The following HIVEP3 variants were observed in gnomAD, a reference collection of about 807,000 sequenced individuals.
HIVEP3 encodes the protein HIVEP zinc finger 3.
A neutral mutation model predicts 152.8 loss-of-function variants in HIVEP3; 49 were observed. The observed-to-expected ratio is 0.32, with a 90% CI of 0.26 to 0.41. HIVEP3 has a LOEUF of 0.41. Among genes scored for constraint, HIVEP3 ranks in the 10% least tolerant of loss-of-function variants. The pLI is 1.00. For missense variants in HIVEP3, 2,790 were observed against 3,103.3 expected, an observed-to-expected ratio of 0.90 and a Z score of 2.40; for synonymous variants, 1,269 against 1,289.0, an observed-to-expected ratio of 0.98 and a Z score of 0.33.
intron 1 of HIVEP3, among the ~76,000 whole-genome samples, chr1:41,849,487 G>C (rs1643535092): frequency 6.6e-6 from 1 of 152,182 alleles, no homozygotes; most frequent in Non-Finnish European, 1.5e-5. Context: ...TGCTCACCTA[G>C]AGGAGTGGAT....
intron 3 of HIVEP3, among the ~76,000 whole-genome samples, chr1:41,607,461 C>T (rs1644837593): frequency 6.6e-6 from 1 of 152,178 alleles, no homozygotes; most frequent in South Asian, 2.1e-4. Context: ...GCAACCTGCT[C>T]CTCTGATATT....
chr1:41,580,712 T>TG lies in HIVEP3; in HGVS notation c.4085dup (p.Ser1363IlefsTer13). The TG allele has an allele frequency of 6.3e-7, 1 of 1,596,484 alleles. No individual in the cohort carries two copies. The highest frequency in any genetic ancestry group is 8.5e-7 in the Non-Finnish European group (1 of 1,171,272). ...CACCACATACAGTCGTCCCCTTTGA[T>TG]GGGGGTTCCTCAAACTTGGGAAGTG... On this transcript the variant is annotated frameshift_variant, in exon 4 of 9. Coordinates refer to ENST00000372583, the MANE Select transcript of HIVEP3 (RefSeq NM_024503.5). LOFTEE classifies it high-confidence loss of function.
At chr1:41,658,651 G>A (rs957268981) in intron 2 of HIVEP3, among the ~76,000 whole-genome samples, 1 of 152,212 alleles carries the variant, frequency 6.6e-6, no homozygotes, top group African/African-American at 2.4e-5. Flanking sequence ...GCTCAAGGGG[G>A]TGAAGTGGCC....
chr1:41,889,263 C>A (rs1644409176), intron 1 of HIVEP3, among the ~76,000 whole-genome samples: 1 of 152,140 alleles, frequency 6.6e-6, no homozygotes. Context: ...CTGCTACACA[C>A]AAACTCACAC....
chr1:41,845,039 C>T (rs1453313750), intron 1 of HIVEP3, among the ~76,000 whole-genome samples: 1 of 152,156 alleles, frequency 6.6e-6, no homozygotes, highest in Non-Finnish European at 1.5e-5. Flanking sequence ...CATCCCTGGG[C>T]ATCCACAGGG....
chr1:41,947,241 T>C (rs533934053), intron 1 of HIVEP3, among the ~76,000 whole-genome samples: 1 of 152,306 alleles, frequency 6.6e-6, no homozygotes, highest in East Asian at 1.9e-4. Flanking sequence ...TGATTTACTT[T>C]TAGCCACCCG....
intron 1 of HIVEP3, among the ~76,000 whole-genome samples, chr1:41,955,395 G>C (rs1405193143): frequency 6.6e-6 from 1 of 152,104 alleles, no homozygotes; most frequent in Non-Finnish European, 1.5e-5. Context: ...TTAATTAGTA[G>C]CTCCATCATT....
chr1:41,923,877 C>T (rs1644953609), upstream of HIVEP3, among the ~76,000 whole-genome samples: 1 of 152,062 alleles, frequency 6.6e-6, no homozygotes, highest in African/African-American at 2.4e-5. Flanking sequence ...TTGACCAATA[C>T]TGTAAATCAT....
intron 2 of HIVEP3, among the ~76,000 whole-genome samples, chr1:41,673,608 A>G (rs1397194434): frequency 6.6e-6 from 1 of 152,132 alleles, no homozygotes; most frequent in African/African-American, 2.4e-5. Flanking sequence ...CGCGAGCCTG[A>G]GTCCAATTTC....
intron 1 of HIVEP3, among the ~76,000 whole-genome samples, chr1:41,865,975 C>T (rs973374652): frequency 1.3e-5 from 2 of 152,286 alleles, no homozygotes; most frequent in East Asian, 1.9e-4. Context: ...AAGGGAGCAT[C>T]GAAATCTGAG....
intron 2 of HIVEP3, among the ~76,000 whole-genome samples, chr1:41,685,091 C>G (rs1201199925): frequency 6.6e-6 from 1 of 152,202 alleles, no homozygotes; most frequent in East Asian, 1.9e-4. Flanking sequence ...TCTGAGCCCC[C>G]ACTGTCCCAT....
upstream of HIVEP3, among the ~76,000 whole-genome samples, chr1:41,921,230 T>G (rs1229647091): frequency 6.6e-6 from 1 of 152,120 alleles, no homozygotes; most frequent in African/African-American, 2.4e-5. Flanking sequence ...AAAAACTAAT[T>G]AGTACTGATA....
At position 41,511,677 on chromosome 1, in the gene HIVEP3, T is replaced by C. The variant is rs1378821910; in HGVS notation, c.6406-411A>G. On this transcript the variant is annotated intron_variant, in intron 8 of 8. Transcript: ENST00000372583. This position sits in a 1 kb window ranked among gnomAD's most constrained non-coding sequence, Gnocchi z 4.9. ...GGACATGAGTTCCCACCTGAGGCTC[T>C]TTGCCCTTCTGCTACCTCCAGGAAT... Among the ~76,000 whole-genome samples the C allele has an allele frequency of 6.6e-6, 1 of 152,190 alleles. No individual in the cohort carries two copies. Among genetic ancestry groups the C allele is most frequent in the Non-Finnish European group, 1.5e-5 (1 of 68,026 alleles).
chr1:41,771,478 G>T (rs1648364930), intron 1 of HIVEP3, among the ~76,000 whole-genome samples: 2 of 152,154 alleles, frequency 1.3e-5, no homozygotes, highest in Non-Finnish European at 2.9e-5. Flanking sequence ...CCTGCAATGG[G>T]AAAGCAGTTT....
intron 1 of HIVEP3, among the ~76,000 whole-genome samples, chr1:41,895,826 G>A (rs1644519303): frequency 6.6e-6 from 1 of 152,020 alleles, no homozygotes; most frequent in African/African-American, 2.4e-5. Context: ...ATGAGAACAC[G>A]GCCTATAGAA....
intron 5 of HIVEP3, among the ~76,000 whole-genome samples, chr1:41,572,286 T>C (rs1558071760): frequency 1.3e-5 from 2 of 152,160 alleles, no homozygotes; most frequent in Non-Finnish European, 2.9e-5. Flanking sequence ...GCTAAGGAGA[T>C]GGGTGACACT....
chr1:41,998,843 A>G (rs1645409769), intron 1 of HIVEP3, among the ~76,000 whole-genome samples: 1 of 150,470 alleles, frequency 6.6e-6, no homozygotes, highest in African/African-American at 2.5e-5. Flanking sequence ...TAGCATCTAC[A>G]TAATAGAGAA....
intron 1 of HIVEP3, among the ~76,000 whole-genome samples, chr1:41,719,049 A>G (rs901034212): frequency 6.6e-6 from 1 of 152,220 alleles, no homozygotes; most frequent in Admixed American, 6.5e-5. Flanking sequence ...CATTCTTAAT[A>G]CTGTGAGAGA....
chr1:41,739,119 TGCC>T (rs1445546685), intron 1 of HIVEP3, among the ~76,000 whole-genome samples: 1 of 152,258 alleles, frequency 6.6e-6, no homozygotes, highest in African/African-American at 2.4e-5. Flanking sequence ...CCCGACTTGC[TGCC>T]GCAAAGTGTG....
Sources: gnomAD v4.1 joint callset for allele counts (sites outside exome capture counted in the v4.1 genomes callset) on GRCh38, gnomAD v4.1.1 for gene constraint, Gnocchi (gnomAD v3.1) non-coding constraint, MANE v1.5 for transcripts, NCBI Gene and HGNC (gene_info 2026-07-23, HGNC 2026-07-21) for gene names.